Variants in TFCP2L1 observed in about 807,000 individuals in gnomAD.
TFCP2L1 encodes transcription factor CP2 like 1.
A neutral mutation model predicts 72.2 loss-of-function variants in TFCP2L1; 12 were observed. That is an observed-to-expected ratio of 0.17 (90% CI 0.11 to 0.27). TFCP2L1 has a LOEUF of 0.27. TFCP2L1 is among the 10% of genes least tolerant of loss of function. The probability of loss-of-function intolerance (pLI) is 1.00; values close to 1 mark genes in which losing one functional copy is unlikely to be tolerated. For synonymous variants in TFCP2L1, 260 were observed against 251.0 expected (o/e 1.04, Z -0.34); for missense variants, 488 against 624.6 (o/e 0.78, Z 2.33).
chr2:121,239,723 G>C, intron 7 of TFCP2L1, 74 bp from the exon 8 acceptor site: 5 of 1,405,012 alleles, frequency 3.6e-6, no homozygotes, highest in Non-Finnish European at 4.9e-6. Context: ...CTCCCAAGCA[G>C]GCATGCACTG....
chr2:121,256,302 G>T (rs1686719014), intron 2 of TFCP2L1, among the ~76,000 whole-genome samples: 1 of 152,194 alleles, frequency 6.6e-6, no homozygotes, highest in African/African-American at 2.4e-5. Flanking sequence ...AAAGCCATGT[G>T]GTTTTGGCAC....
intron 2 of TFCP2L1, among the ~76,000 whole-genome samples, chr2:121,280,802 AAGGG>A (rs145167535): frequency 0.027 from 3,807 of 138,750 alleles, 171 homozygotes; most frequent in African/African-American, 0.094. Flanking sequence ...AGAAAGAAGG[AAGGG>A]AGGGAGGGAG....
chr2:121,267,336 C>A (rs1054071954), intron 2 of TFCP2L1, among the ~76,000 whole-genome samples: 3 of 152,154 alleles, frequency 2.0e-5, no homozygotes, highest in African/African-American at 7.2e-5. Flanking sequence ...TAAGCATGAA[C>A]CACCACATCC....
chr2:121,242,588 G>A, intron 6 of TFCP2L1, 119 bp from the exon 7 acceptor site: 3 of 876,852 alleles, frequency 3.4e-6, no homozygotes, highest in East Asian at 2.4e-5. Context: ...CTCAGGGGCA[G>A]GACAGCACCT....
chr2:121,249,767 A>G, intron 2 of TFCP2L1, 120 bp from the exon 3 acceptor site: 1 of 984,976 alleles, frequency 1.0e-6, no homozygotes. Context: ...CCTGGGGAGC[A>G]AAGCAGAGAA....
chr2:121,242,272 TG>T, intron 7 of TFCP2L1, 86 bp downstream of exon 7: 1 of 1,169,456 alleles, frequency 8.6e-7, no homozygotes, highest in Admixed American at 1.7e-5. Flanking sequence ...TCACCCGAGA[TG>T]GGCGATTTTC....
chr2:121,285,064 A>C lies in TFCP2L1; in HGVS notation c.46T>G (p.Ser16Ala), dbSNP rs1344874610. Residue 16 changes from serine (S) to alanine (A), a missense_variant, in exon 1 of 15, where the codon TCC (serine) becomes GCC (alanine). Physicochemically the swap from Ser to Ala is moderately conservative, Grantham distance 99 (BLOSUM62 1). Coordinates refer to ENST00000263707, the MANE Select transcript of TFCP2L1 (RefSeq NM_014553.3). ...TQPEHYNQHNSGSYLRDVLAL... is the reference protein window; with the variant it reads ...TQPEHYNQHNAGSYLRDVLAL... ...GGCCCTTACCGCAGGTAGCTGCCGG[A>C]GTTGTGCTGGTTGTAGTGCTCGGGC... 8 of 1,519,736 alleles carry C rather than the reference A, an allele frequency of 5.3e-6. No homozygotes were observed. The Admixed American group carries it at 8.7e-5, about 16-fold the overall frequency. The allele number at this position is 1,519,736 out of a possible 1,614,324, so 94.1% of individuals were successfully genotyped here. A position where few individuals can be genotyped will look rare whatever the true frequency, so the allele number is the denominator to read the frequency against.
intron 7 of TFCP2L1, chr2:121,240,445 T>C: frequency 1.0e-6 from 1 of 985,430 alleles, no homozygotes; most frequent in Non-Finnish European, 1.2e-6. Flanking sequence ...AGATTTACTA[T>C]CACCCACCAA....
At chr2:121,246,015 T>C (rs1414747267) in intron 6 of TFCP2L1, among the ~76,000 whole-genome samples, 1 of 152,224 alleles carries the variant, frequency 6.6e-6, no homozygotes, top group Non-Finnish European at 1.5e-5. Flanking sequence ...CAGGGCTGGT[T>C]ACTCAAGGCA....
At chr2:121,280,769 G>GAAAAA (rs557121688) in intron 2 of TFCP2L1, among the ~76,000 whole-genome samples, 1 of 23,942 alleles carries the variant, frequency 4.2e-5, no homozygotes, top group African/African-American at 1.2e-4. Context: ...CTCAAAAAAG[G>GAAAAA]AAAAAAAAAA....
At chr2:121,268,052 C>A (rs1485853198) in intron 2 of TFCP2L1, among the ~76,000 whole-genome samples, 2 of 152,132 alleles carry the variant, frequency 1.3e-5, no homozygotes, top group African/African-American at 2.4e-5. Flanking sequence ...TTCAAGACTG[C>A]AGTGAGCTAC....
At chr2:121,259,103 C>T (rs1467485202) in intron 2 of TFCP2L1, among the ~76,000 whole-genome samples, 2 of 152,002 alleles carry the variant, frequency 1.3e-5, no homozygotes, top group Admixed American at 6.6e-5. Flanking sequence ...CAAAATTAGC[C>T]GGATGCGGTG....
chr2:121,275,718 C>A (rs1687133737), intron 2 of TFCP2L1, among the ~76,000 whole-genome samples: 1 of 151,806 alleles, frequency 6.6e-6, no homozygotes, highest in Admixed American at 6.6e-5. Flanking sequence ...TCACAGGTGC[C>A]CGCCATCACG....
rs376149868 is a variant in TFCP2L1, at chr2:121,281,142, C to G, written c.192G>C (p.Glu64Asp). ...TACCTTGGTTGAGGTAGGTCAGCGT[C>G]TCTTCATGCAGCTTCACGGCTGGGG... ...ATSPAVKLHE[E>D]TLTYLNQGQS... is the part of the protein sequence containing the mutation. The change falls in exon 2 of 15, where the codon GAG (glutamate) becomes GAC (aspartate). Residue 64 changes from glutamate to aspartate, a missense_variant. Physicochemically the swap from Glu to Asp is conservative, Grantham distance 45. Transcript: ENST00000263707. 17 of 1,614,024 alleles carry G rather than the reference C, an allele frequency of 1.1e-5. No homozygotes were observed. The highest frequency in any genetic ancestry group is 1.4e-5 in the Non-Finnish European group (16 of 1,180,030).
At chr2:121,233,398 C>G (rs1686183125) in intron 12 of TFCP2L1, among the ~76,000 whole-genome samples, 1 of 152,164 alleles carries the variant, frequency 6.6e-6, no homozygotes, top group Non-Finnish European at 1.5e-5. Flanking sequence ...CTCCTGACCT[C>G]AAGTGATCTG....
chr2:121,282,926 G>A lies in TFCP2L1; in HGVS notation c.63-1655C>T, dbSNP rs151066268. Among the ~76,000 whole-genome samples the A allele has an allele frequency of 7.2e-5, 11 of 152,210 alleles. No individual in the cohort carries two copies. The East Asian group carries it at 1.2e-3, about 16-fold the overall frequency. ...AACCTGCCCTGTGTGGGCCTCCCCCGTCACCATCCACTGCCGAAAAATAAG... is the reference window on the plus strand; with the variant it reads ...AACCTGCCCTGTGTGGGCCTCCCCCATCACCATCCACTGCCGAAAAATAAG... On this transcript the variant is annotated intron_variant, in intron 1 of 14. Transcript: ENST00000263707.
rs376421866 is a variant in TFCP2L1 at position 121,231,867 on chromosome 2, G to A, written c.1300C>T (p.Arg434Trp). ...ISPQHIHRVY[R>W]QGPTGIHVVV... ...ACATGGATGCCCGTGGGGCCCTGCC[G>A]GTAGACTCGGTGGATGTGCTGGGGG... Residue 434 changes from arginine (R) to tryptophan (W), a missense_variant, in exon 13 of 15, where the codon CGG becomes TGG. By Grantham distance (101) the Arg-to-Trp change is moderately radical. Coordinates refer to ENST00000263707, the MANE Select transcript of TFCP2L1 (RefSeq NM_014553.3). 77 of 1,613,500 alleles carry A rather than the reference G, an allele frequency of 4.8e-5. No individual in the cohort carries two copies. The highest frequency in any genetic ancestry group is 5.9e-5 in the Non-Finnish European group (70 of 1,179,758).
intron 2 of TFCP2L1, among the ~76,000 whole-genome samples, chr2:121,280,617 C>T (rs989556188): frequency 2.0e-5 from 3 of 151,722 alleles, no homozygotes; most frequent in African/African-American, 7.3e-5. Context: ...AAAAATTAGC[C>T]GGGCATGGCG....
At chr2:121,283,644 CG>C (rs1476213653) in intron 1 of TFCP2L1, among the ~76,000 whole-genome samples, 28 of 152,322 alleles carry the variant, frequency 1.8e-4, no homozygotes, top group African/African-American at 6.5e-4. Flanking sequence ...TGTTCCCTAA[CG>C]GGGTGAGGAC....
Sources: gnomAD v4.1 joint callset for allele counts (sites outside exome capture counted in the v4.1 genomes callset) on GRCh38, gnomAD v4.1.1 for gene constraint, MANE v1.5 for transcripts, NCBI Gene and HGNC (gene_info 2026-07-23, HGNC 2026-07-21) for gene names.